Variants in ZBTB7A observed in about 807,000 individuals in gnomAD.
ZBTB7A encodes the protein zinc finger and BTB domain-containing protein 7A.
ZBTB7A carries 7 observed loss-of-function variants against 26.7 expected under a neutral mutation model. The observed-to-expected ratio is 0.26, with a 90% CI of 0.15 to 0.49. The LOEUF (loss-of-function observed/expected upper bound fraction) is 0.49. Among genes scored for constraint, ZBTB7A ranks in the 20% least tolerant of loss-of-function variants. The pLI, the probability that ZBTB7A is intolerant of heterozygous loss-of-function variation, is 0.98. For missense variants in ZBTB7A, 617 were observed against 919.5 expected, an observed-to-expected ratio of 0.67 and a Z score of 4.25; for synonymous variants, 452 against 441.0, an observed-to-expected ratio of 1.02 and a Z score of -0.31.
At chr19:4,065,468 CGGCGGCGGT>C (rs1029409455) in intron 1 of ZBTB7A, 15 of 146,106 alleles carry the variant, frequency 1.0e-4, no homozygotes, top group African/African-American at 3.5e-4. Context: ...CCGGCCCCGG[CGGCGGCGGT>C]GGCGGCGGCT....
chr19:4,056,925 G>A (rs1419756560), intron 1 of ZBTB7A, among the ~76,000 whole-genome samples: 2 of 151,200 alleles, frequency 1.3e-5, no homozygotes, highest in East Asian at 1.9e-4. Flanking sequence ...TACTCAGGAC[G>A]CTGAGGCAGA....
At chr19:4,060,479 G>A (rs973007598) in intron 1 of ZBTB7A, among the ~76,000 whole-genome samples, 1 of 152,236 alleles carries the variant, frequency 6.6e-6, no homozygotes. Context: ...AGGTCCCTGA[G>A]AGGCTCAGAG....
At chr19:4,062,916 C>A (rs1357190935) in intron 1 of ZBTB7A, among the ~76,000 whole-genome samples, 1 of 152,126 alleles carries the variant, frequency 6.6e-6, no homozygotes, top group Non-Finnish European at 1.5e-5. Flanking sequence ...TCCCCACTGT[C>A]TGGATGGGAA....
intron 1 of ZBTB7A, among the ~76,000 whole-genome samples, chr19:4,064,269 T>A (rs2040668182): frequency 1.3e-5 from 2 of 152,182 alleles, no homozygotes; most frequent in Admixed American, 1.3e-4. Context: ...AATTTCAGTG[T>A]CCCGGTTGGC....
Position 4,047,964 on chromosome 19 carries a change from T to C in ZBTB7A, c.1543A>G (p.Thr515Ala), listed in dbSNP as rs1205067738. ...TGGGCGGGGGCGCCGGGGGTCGCGGTGGCCCCCGGGCTGGGGTCGGGCGCC... is the reference window on the plus strand; with the variant it reads ...TGGGCGGGGGCGCCGGGGGTCGCGGCGGCCCCCGGGCTGGGGTCGGGCGCC... Reference protein sequence around the residue: ...GGAPDPSPGATATPGAPAQPS... With the variant: ...GGAPDPSPGAAATPGAPAQPS... The change falls in exon 3 of 3, where the codon ACC becomes GCC. Residue 515 changes from threonine to alanine, a missense_variant. Thr to Ala is a moderately conservative substitution (Grantham distance 58). Coordinates refer to ENST00000322357, the MANE Select transcript of ZBTB7A (RefSeq NM_015898.4). The C allele has an allele frequency of 4.8e-6, 6 of 1,246,018 alleles. No homozygotes were observed. The South Asian group carries it at 7.1e-5, about 15-fold the overall frequency. 77.2% of individuals were successfully genotyped at this position (1,246,018 alleles called of 1,614,324 possible).
chr19:4,054,474 G>T lies in ZBTB7A; in HGVS notation c.759C>A (p.Thr253=). ...LWPERDEDAP[T]GGLFPPPVAP... ...CCACCGGCGGCGGAAAGAGACCCCC[G>T]GTGGGGGCGTCCTCATCCCGCTCTG... Residue 253 remains threonine, a synonymous_variant, in exon 2 of 3, where the codon ACC becomes ACA. Transcript: ENST00000322357. The T allele has an allele frequency of 7.3e-7, 1 of 1,372,914 alleles. No homozygotes were observed. The highest frequency in any genetic ancestry group is 9.3e-7 in the Non-Finnish European group (1 of 1,071,716). 85.0% of individuals were successfully genotyped at this position (1,372,914 alleles called of 1,614,324 possible).
rs55908345 is a variant in ZBTB7A, at chr19:4,057,781, CA to C, written c.-15-2535del. Among the ~76,000 whole-genome samples the C allele has an allele frequency of 2.2e-3, 184 of 84,258 alleles. 2 individuals carry two copies. The highest frequency in any genetic ancestry group is 1.9e-3 in the Non-Finnish European group (75 of 39,838). 55.3% of individuals were successfully genotyped at this position (84,258 alleles called of 152,430 possible). The stretch of plus-strand genomic sequence containing the variant: ...CTGGTGACAGAGCGAGACTCGTCTC[CA>C]AAAAAAAAAAAAAAAACAATAACAA... On this transcript the variant is annotated intron_variant, in intron 1 of 2. Coordinates refer to ENST00000322357, the MANE Select transcript of ZBTB7A (RefSeq NM_015898.4).
chr19:4,063,674 G>A (rs944927865), intron 1 of ZBTB7A, among the ~76,000 whole-genome samples: 5 of 152,274 alleles, frequency 3.3e-5, no homozygotes, highest in Admixed American at 6.5e-5. Context: ...GCCAACCTCC[G>A]GCCCTGCTTA....
chr19:4,065,887 C>A lies in ZBTB7A; in HGVS notation c.-16+795G>T, dbSNP rs573264283. ...CGCCACCGGCCCCCGGCGAGGGGAG[C>A]CCGGCTCCAGGCCCCGCCCCCTGGC... On this transcript the variant is annotated intron_variant, in intron 1 of 2. Coordinates refer to ENST00000322357, the MANE Select transcript of ZBTB7A (RefSeq NM_015898.4). Among the ~76,000 whole-genome samples the A allele has an allele frequency of 1.4e-3, 204 of 143,606 alleles. 2 individuals carry two copies. The Middle Eastern group carries it at 0.022, about 15-fold the overall frequency. The allele number at this position is 143,606 out of a possible 152,430, so 94.2% of individuals were successfully genotyped here. A position where few individuals can be genotyped will look rare whatever the true frequency, so the allele number is the denominator to read the frequency against.
At chr19:4,050,147 A>G (rs536353758) in intron 2 of ZBTB7A, among the ~76,000 whole-genome samples, 5 of 150,372 alleles carry the variant, frequency 3.3e-5, no homozygotes, top group Non-Finnish European at 7.4e-5. Context: ...CTGGTCTCGG[A>G]CTCCTGACCT....
rs1304897116 is a variant in ZBTB7A at position 4,052,690 on chromosome 19, C to A, written c.1262+1281G>T. ...TCCCTGCCTGCCAGCCCCCTGCCCC[C>A]ACCGCTACAGCCCGCCCCGGATCTA... On this transcript the variant is annotated intron_variant, in intron 2 of 2. Coordinates refer to ENST00000322357, the MANE Select transcript of ZBTB7A (RefSeq NM_015898.4). This position sits in a 1 kb window ranked among gnomAD's most constrained non-coding sequence, Gnocchi z 4.9. 6.6e-6 allele frequency among the ~76,000 whole-genome samples: 1 copy of A among 152,208 alleles called. No individual in the cohort carries two copies. Among genetic ancestry groups the A allele is most frequent in the African/African-American group, 2.4e-5 (1 of 41,448 alleles).
chr19:4,060,686 G>A (rs1160241736), intron 1 of ZBTB7A, among the ~76,000 whole-genome samples: 6 of 152,238 alleles, frequency 3.9e-5, no homozygotes, highest in Non-Finnish European at 8.8e-5. Context: ...GAGGCCTGGA[G>A]GTGGGCGACC....
At chr19:4,064,767 G>C (rs970269445) in intron 1 of ZBTB7A, among the ~76,000 whole-genome samples, 1 of 152,142 alleles carries the variant, frequency 6.6e-6, no homozygotes, top group Non-Finnish European at 1.5e-5. Context: ...GGGTGGCAGG[G>C]GCACCAGCAC....
chr19:4,043,875 T>A lies in ZBTB7A; in HGVS notation c.*3877A>T, dbSNP rs1599241966. Among the ~76,000 whole-genome samples the A allele has an allele frequency of 7.6e-6, 1 of 132,202 alleles. No individual in the cohort carries two copies. 86.7% of individuals were successfully genotyped at this position (132,202 alleles called of 152,430 possible). A position where few individuals can be genotyped will look rare whatever the true frequency, so the allele number is the denominator to read the frequency against. ...CCCCCCCCACCTCCAGGAAGGCTGCTTCAACTTAAATAACTTTTTAAAATA... is the reference window on the plus strand; with the variant it reads ...CCCCCCCCACCTCCAGGAAGGCTGCATCAACTTAAATAACTTTTTAAAATA... On this transcript the variant is annotated 3_prime_UTR_variant, in exon 3 of 3. Transcript: ENST00000322357.
chr19:4,053,837 G>T, intron 2 of ZBTB7A, 134 bp downstream of exon 2: 1 of 1,009,322 alleles, frequency 9.9e-7, no homozygotes, highest in Non-Finnish European at 1.4e-6. Flanking sequence ...GTACGTGTCT[G>T]TGTGCACGTG....
At position 4,054,278 on chromosome 19, in the gene ZBTB7A, G is replaced by A; in HGVS notation, c.955C>T (p.Leu319=). 1 of 1,556,500 alleles carries A rather than the reference G, an allele frequency of 6.4e-7. No homozygotes were observed. The highest frequency in any genetic ancestry group is 8.6e-7 in the Non-Finnish European group (1 of 1,157,950). The stretch of plus-strand genomic sequence containing the variant: ...ACCGATGACATCATCTGCTGCAGCA[G>A]CGTGCTGGCCGCCAGCCCGTCCACG... ...PDVDGLAAST[L]LQQMMSSVGR... Residue 319 remains leucine (L), a synonymous_variant, in exon 2 of 3, where the codon CTG becomes TTG. Coordinates refer to ENST00000322357, the MANE Select transcript of ZBTB7A (RefSeq NM_015898.4).
intron 1 of ZBTB7A, among the ~76,000 whole-genome samples, chr19:4,061,247 T>C (rs1219963948): frequency 5.9e-5 from 9 of 151,914 alleles, no homozygotes; most frequent in Admixed American, 4.6e-4. Flanking sequence ...AGGGAGTGAG[T>C]GGTGGGGCCT....
chr19:4,063,477 G>A (rs1018997042), intron 1 of ZBTB7A, among the ~76,000 whole-genome samples: 3 of 152,192 alleles, frequency 2.0e-5, no homozygotes, highest in Admixed American at 2.0e-4. Context: ...GAGGGGCCTC[G>A]TATGCACGTG....
chr19:4,055,748 A>G (rs1368295210), intron 1 of ZBTB7A, among the ~76,000 whole-genome samples: 2 of 152,260 alleles, frequency 1.3e-5, no homozygotes, highest in African/African-American at 4.8e-5. Flanking sequence ...GCATGAACCC[A>G]GGAGGCAGAG....
Sources: gnomAD v4.1 joint callset for allele counts (sites outside exome capture counted in the v4.1 genomes callset) on GRCh38, gnomAD v4.1.1 for gene constraint, Gnocchi (gnomAD v3.1) non-coding constraint, MANE v1.5 for transcripts, NCBI Gene and HGNC (gene_info 2026-07-23, HGNC 2026-07-21) for gene names.